Variants in TBC1D8 observed in about 807,000 individuals in gnomAD.
TBC1D8 encodes the protein TBC1 domain family member 8, also known as BUB2-like protein 1.
Under a neutral mutation model 118.8 loss-of-function variants are expected in TBC1D8, and 65 were observed. The ratio of observed to expected loss-of-function variants is 0.55; its 90% CI spans 0.45 to 0.67. The LOEUF is 0.67. Among genes scored for constraint, TBC1D8 ranks in the 30% least tolerant of loss-of-function variants. TBC1D8 has a pLI of 0.00. For missense variants in TBC1D8, 1,376 were observed against 1,471.2 expected, an observed-to-expected ratio of 0.94 and a Z score of 1.06; for synonymous variants, 566 against 595.8, an observed-to-expected ratio of 0.95 and a Z score of 0.73.
At chr2:101,084,912 G>A (rs1008536439) in intron 2 of TBC1D8, among the ~76,000 whole-genome samples, 7 of 145,902 alleles carry the variant, frequency 4.8e-5, no homozygotes, top group Admixed American at 2.8e-4. Context: ...CCAGTGGCTC[G>A]ATCTCCGCTC....
intron 2 of TBC1D8, among the ~76,000 whole-genome samples, chr2:101,077,536 C>T (rs976234541): frequency 3.9e-5 from 6 of 152,246 alleles, no homozygotes; most frequent in Middle Eastern, 3.4e-3. Flanking sequence ...TGTGAGCCAC[C>T]GTGCCCGGCC....
At position 101,135,150 on chromosome 2, in the gene TBC1D8, C is replaced by T. The variant is rs373147126; in HGVS notation, c.127+15977G>A. 5.9e-5 allele frequency among the ~76,000 whole-genome samples: 9 copies of T among 151,810 alleles called. No homozygotes were observed. In the East Asian group the frequency reaches 1.2e-3, roughly 20 times the overall value. On this transcript the variant is annotated intron_variant, in intron 1 of 19. Transcript: ENST00000409318. ...TCGCGCCACTGCACTCCAGCCTGGG[C>T]GACAGAGCGAGACTCCGTCTCAAAA...
rs1327797143 is a variant in TBC1D8 at position 101,011,541 on chromosome 2, C to T, written c.2828-1G>A. Reference sequence around the variant, plus strand: ...CTGTCTCGGTCATTTTCAGTGAGTGCTTAAAAAAAGATGAGAGGTTTAAAT... The same window carrying T: ...CTGTCTCGGTCATTTTCAGTGAGTGTTTAAAAAAAGATGAGAGGTTTAAAT... On this transcript the variant is annotated splice_acceptor_variant, in intron 17 of 19. Coordinates refer to ENST00000409318, the MANE Select transcript of TBC1D8 (RefSeq NM_001330348.2). LOFTEE classifies it high-confidence loss of function. 1 of 1,613,678 alleles carries T rather than the reference C, an allele frequency of 6.2e-7. No individual in the cohort carries two copies. Among genetic ancestry groups the T allele is most frequent in the Non-Finnish European group, 8.5e-7 (1 of 1,179,784 alleles).
rs576024231 is a variant in TBC1D8, at chr2:101,007,826, A to C, written c.3463T>G (p.Leu1155Val). ...QSQSELKLSN[L>V] ...GCATAGCAGCTGCTGTCTTGCTACAAGTTACTCAGCTTAAGTTCAGATTGT... is the reference window on the plus strand; with the variant it reads ...GCATAGCAGCTGCTGTCTTGCTACACGTTACTCAGCTTAAGTTCAGATTGT... The change falls in exon 20 of 20, where the codon TTG becomes GTG. Residue 1155 changes from leucine (L) to valine (V), a missense_variant. Transcript: ENST00000409318. The C allele has an allele frequency of 6.2e-7, 1 of 1,613,458 alleles. No individual in the cohort carries two copies. The highest frequency in any genetic ancestry group is 2.2e-5 in the East Asian group (1 of 44,878).
At chr2:101,142,459 A>C (rs1354376164) in intron 1 of TBC1D8, among the ~76,000 whole-genome samples, 1 of 152,152 alleles carries the variant, frequency 6.6e-6, no homozygotes, top group East Asian at 1.9e-4. Context: ...CTGTGTGAAC[A>C]CTACAGGAAA....
intron 9 of TBC1D8, among the ~76,000 whole-genome samples, chr2:101,035,324 A>C (rs1024003322): frequency 6.6e-6 from 1 of 152,144 alleles, no homozygotes; most frequent in Non-Finnish European, 1.5e-5. Flanking sequence ...TCCAAGGAGC[A>C]AGTCGCTCAC....
intron 11 of TBC1D8, among the ~76,000 whole-genome samples, chr2:101,031,560 C>T (rs1465024128): frequency 6.6e-6 from 1 of 152,198 alleles, no homozygotes; most frequent in Non-Finnish European, 1.5e-5. Flanking sequence ...TTAAGAGCAT[C>T]ACCAGCCCAG....
rs1487776817 is a variant in TBC1D8 at position 101,072,091 on chromosome 2, G to A, written c.284-12552C>T. Among the ~76,000 whole-genome samples the A allele has an allele frequency of 3.3e-5, 5 of 152,320 alleles. No homozygotes were observed. In the South Asian group the frequency reaches 1.0e-3, roughly 32 times the overall value. On this transcript the variant is annotated intron_variant, in intron 2 of 19. Transcript: ENST00000409318. The stretch of plus-strand genomic sequence containing the variant: ...CTTCATCAAGCTCTTGGGCAACCAG[G>A]TGCATTGTCAATAAGCAGTAATACT...
chr2:101,011,327 G>A (rs368021010), intron 18 of TBC1D8, 124 bp downstream of exon 18: 6 of 1,031,740 alleles, frequency 5.8e-6, no homozygotes, highest in East Asian at 2.4e-5. Context: ...GTGAGTTTGG[G>A]GATAATTCAT....
intron 1 of TBC1D8, among the ~76,000 whole-genome samples, chr2:101,114,416 TA>T (rs1398697686): frequency 6.6e-6 from 1 of 152,226 alleles, no homozygotes; most frequent in East Asian, 1.9e-4. Flanking sequence ...AATATTTGTT[TA>T]ATTAGCCCTT....
chr2:101,103,686 A>G (rs879921540), intron 1 of TBC1D8, among the ~76,000 whole-genome samples: 6 of 152,050 alleles, frequency 3.9e-5, no homozygotes, highest in Admixed American at 3.3e-4. Flanking sequence ...GCCACCGCGC[A>G]TGGCCAGAAC....
chr2:101,108,598 T>C (rs755214157), intron 1 of TBC1D8, among the ~76,000 whole-genome samples: 1 of 152,074 alleles, frequency 6.6e-6, no homozygotes, highest in Non-Finnish European at 1.5e-5. Flanking sequence ...TCGGGGCCCC[T>C]TGCTCCATCT....
At chr2:101,038,315 A>C in intron 7 of TBC1D8, 146 bp downstream of exon 7, 31 of 892,164 alleles carry the variant, frequency 3.5e-5, no homozygotes, top group Non-Finnish European at 3.6e-5. Flanking sequence ...CTCTCAGGAC[A>C]GCCGGCACAT....
intron 1 of TBC1D8, among the ~76,000 whole-genome samples, chr2:101,098,629 A>G (rs1676628629): frequency 6.6e-6 from 1 of 152,336 alleles, no homozygotes; most frequent in African/African-American, 2.4e-5. Context: ...AACACTCCTC[A>G]GCAAATACAA....
intron 4 of TBC1D8, among the ~76,000 whole-genome samples, 162 bp from the exon 5 acceptor site, chr2:101,050,803 C>G (rs1366375535): frequency 2.6e-5 from 4 of 152,152 alleles, no homozygotes; most frequent in African/African-American, 9.7e-5. Context: ...TGCAGGTTTG[C>G]AATACAGGTA....
In TBC1D8 at chr2:101,033,808, T is replaced by A. The variant is rs1329048887; in HGVS notation, c.1604-50A>T. 1.9e-6 allele frequency: 3 copies of A among 1,571,468 alleles called. No homozygotes were observed. The Admixed American group carries it at 5.3e-5, about 28-fold the overall frequency. On this transcript the variant is annotated intron_variant, in intron 9 of 19. Coordinates refer to ENST00000409318, the MANE Select transcript of TBC1D8 (RefSeq NM_001330348.2). ...AGGGGGAATGATTACTAGGATGGTG[T>A]CATGATGAAGAAGATGCTGGTCCCA...
intron 2 of TBC1D8, among the ~76,000 whole-genome samples, chr2:101,064,846 T>G (rs1317760965): frequency 6.6e-6 from 1 of 152,190 alleles, no homozygotes; most frequent in Non-Finnish European, 1.5e-5. Flanking sequence ...ATAATATTAC[T>G]TATCTCCATA....
At chr2:101,061,134 G>A (rs956413742) in intron 2 of TBC1D8, among the ~76,000 whole-genome samples, 4 of 139,566 alleles carry the variant, frequency 2.9e-5, no homozygotes, top group Non-Finnish European at 4.5e-5. Context: ...ATTGCAGTGA[G>A]CCGAGATCAC....
intron 1 of TBC1D8, among the ~76,000 whole-genome samples, chr2:101,119,632 A>G (rs1678011821): frequency 6.6e-6 from 1 of 152,226 alleles, no homozygotes. Flanking sequence ...GCATTGTCAC[A>G]GGATCCTCCA....
Sources: gnomAD v4.1 joint callset for allele counts (sites outside exome capture counted in the v4.1 genomes callset) on GRCh38, gnomAD v4.1.1 for gene constraint, MANE v1.5 for transcripts, NCBI Gene and HGNC (gene_info 2026-07-23, HGNC 2026-07-21) for gene names.